MALRD1: variants seen among roughly 807,000 people sequenced by gnomAD.
MALRD1 encodes MAM and LDL-receptor class A domain-containing protein 1.
In MALRD1, 247 loss-of-function variants were observed where a neutral mutation model predicts 242.1. The ratio of observed to expected loss-of-function variants is 1.02; its 90% CI spans 0.92 to 1.13. MALRD1 has a LOEUF of 1.13. Ranked by LOEUF, MALRD1 falls within the 50% of genes most tolerant of loss-of-function variation. MALRD1 has a pLI of 0.00. For synonymous variants in MALRD1, 995 were observed against 866.6 expected (o/e 1.15, Z -2.60); for missense variants, 2,989 against 2,533.1 (o/e 1.18, Z -3.86).
chr10:19,397,240 A>G (rs1329446499), intron 28 of MALRD1, among the ~76,000 whole-genome samples: 1 of 151,460 alleles, frequency 6.6e-6, no homozygotes, highest in Non-Finnish European at 1.5e-5. Flanking sequence ...CCCTATCTTC[A>G]CCTCCCCTGT....
At chr10:19,552,964 C>T (rs1835552377) in intron 32 of MALRD1, among the ~76,000 whole-genome samples, 1 of 151,964 alleles carries the variant, frequency 6.6e-6, no homozygotes, top group South Asian at 2.1e-4. Context: ...TTTTAATATG[C>T]AAGTGTTTAT....
intron 36 of MALRD1, among the ~76,000 whole-genome samples, chr10:19,678,553 C>A (rs1842231158): frequency 6.6e-6 from 1 of 152,242 alleles, no homozygotes; most frequent in Non-Finnish European, 1.5e-5. Flanking sequence ...TGCATTTCAG[C>A]TTAAGAAGCT....
chr10:19,208,777 A>G (rs757558653), intron 17 of MALRD1, among the ~76,000 whole-genome samples: 11 of 152,220 alleles, frequency 7.2e-5, no homozygotes, highest in Non-Finnish European at 1.5e-4. Flanking sequence ...AGAATCACCA[A>G]GGGAGCTTCG....
intron 32 of MALRD1, among the ~76,000 whole-genome samples, chr10:19,540,642 G>A (rs553899619): frequency 1.1e-4 from 17 of 152,168 alleles, no homozygotes; most frequent in African/African-American, 4.1e-4. Flanking sequence ...CTCATGAGAT[G>A]TTACTATATA....
At chr10:19,245,751 T>A (rs1228339644) in intron 18 of MALRD1, among the ~76,000 whole-genome samples, 1 of 152,150 alleles carries the variant, frequency 6.6e-6, no homozygotes, top group Non-Finnish European at 1.5e-5. Context: ...GAATCTGTAT[T>A]TTTAGCAAAA....
chr10:19,259,025 G>T (rs76652612), intron 19 of MALRD1, among the ~76,000 whole-genome samples: 1,739 of 152,162 alleles, frequency 0.011, 34 homozygotes, highest in African/African-American at 0.04. Context: ...TCTATGCATG[G>T]ATTATTGCAA....
At chr10:19,551,948 T>C (rs533013429) in intron 32 of MALRD1, among the ~76,000 whole-genome samples, 2 of 152,206 alleles carry the variant, frequency 1.3e-5, no homozygotes. Flanking sequence ...GGCTACTTGA[T>C]TGTGGTAAAT....
chr10:19,566,036 G>A (rs1836233190), intron 32 of MALRD1, among the ~76,000 whole-genome samples: 1 of 152,076 alleles, frequency 6.6e-6, no homozygotes, highest in Non-Finnish European at 1.5e-5. Flanking sequence ...AATATTTGGT[G>A]ATTCTTGCTA....
chr10:19,627,362 T>C (rs1394809975), intron 36 of MALRD1, among the ~76,000 whole-genome samples: 1 of 152,046 alleles, frequency 6.6e-6, no homozygotes, highest in Non-Finnish European at 1.5e-5. Context: ...ACATGGATGA[T>C]GCTTAAAAGT....
chr10:19,490,724 GA>G (rs60724729), intron 29 of MALRD1, among the ~76,000 whole-genome samples: 70,468 of 151,968 alleles, frequency 0.46, 16,478 homozygotes, highest in Non-Finnish European at 0.5. Flanking sequence ...TTTAGTTTTA[GA>G]AAAAAACACA....
intron 23 of MALRD1, among the ~76,000 whole-genome samples, chr10:19,330,484 A>G (rs977047709): frequency 2.0e-5 from 3 of 152,148 alleles, no homozygotes; most frequent in African/African-American, 7.2e-5. Flanking sequence ...CTCGCCTCCA[A>G]TTGTTCTAAA....
chr10:19,189,630 C>T (rs965954318), intron 14 of MALRD1, among the ~76,000 whole-genome samples: 2 of 151,906 alleles, frequency 1.3e-5, no homozygotes, highest in Admixed American at 1.3e-4. Flanking sequence ...GGATTTTTTT[C>T]CTGGAATGCA....
At chr10:19,273,002 G>T (rs1399506094) in intron 19 of MALRD1, among the ~76,000 whole-genome samples, 2 of 152,104 alleles carry the variant, frequency 1.3e-5, no homozygotes, top group African/African-American at 4.8e-5. Flanking sequence ...ATGTGTGCAT[G>T]TATCTTTATA....
At chr10:19,344,846 G>C (rs1484428175) in intron 24 of MALRD1, among the ~76,000 whole-genome samples, 2 of 151,704 alleles carry the variant, frequency 1.3e-5, no homozygotes, top group Admixed American at 1.3e-4. Context: ...TACAAATTTT[G>C]TACCTGTAAG....
At chr10:19,252,875 G>C (rs1588784691) in intron 18 of MALRD1, among the ~76,000 whole-genome samples, 1 of 152,086 alleles carries the variant, frequency 6.6e-6, no homozygotes, top group East Asian at 1.9e-4. Context: ...ATTGGTTTCA[G>C]GGTTGTGTAA....
intron 13 of MALRD1, among the ~76,000 whole-genome samples, chr10:19,167,492 G>A (rs937646408): frequency 1.3e-5 from 2 of 152,198 alleles, no homozygotes; most frequent in African/African-American, 4.8e-5. Context: ...AACAAATTGA[G>A]ATAAATATAG....
chr10:19,711,817 T>TAGCCAAGGAGATGGGAGATC (rs1834132966), intron 38 of MALRD1, among the ~76,000 whole-genome samples: 1 of 152,202 alleles, frequency 6.6e-6, no homozygotes, highest in Non-Finnish European at 1.5e-5. Flanking sequence ...TGGGGTTCTG[T>TAGCCAAGGAGATGGGAGATC]AGCCAAGGAG....
chr10:19,574,494 G>A (rs115837992), intron 33 of MALRD1, among the ~76,000 whole-genome samples: 2,022 of 152,266 alleles, frequency 0.013, 21 homozygotes, highest in East Asian at 0.035. Context: ...AAGAGAGATC[G>A]CGAACAAGAG....
intron 28 of MALRD1, among the ~76,000 whole-genome samples, chr10:19,438,470 G>A (rs1834449863): frequency 6.6e-6 from 1 of 152,050 alleles, no homozygotes; most frequent in African/African-American, 2.4e-5. Flanking sequence ...TTATTAACAT[G>A]GGCTTACAAC....
Sources: gnomAD v4.1 joint callset for allele counts (sites outside exome capture counted in the v4.1 genomes callset) on GRCh38, gnomAD v4.1.1 for gene constraint, MANE v1.5 for transcripts, NCBI Gene and HGNC (gene_info 2026-07-23, HGNC 2026-07-21) for gene names.